MBOAT4: variants seen among roughly 807,000 people sequenced by gnomAD.
The protein encoded by MBOAT4 is membrane-bound ghrelin O-acyltransferase MBOAT4.
MBOAT4 carries 11 observed loss-of-function variants against 13.2 expected under a neutral mutation model. The ratio of observed to expected loss-of-function variants is 0.84; its 90% CI spans 0.53 to 1.38. The LOEUF (loss-of-function observed/expected upper bound fraction) is 1.38, where lower values mean the gene tolerates loss of function less well. MBOAT4 is among the 40% of genes most tolerant of loss of function. The probability of loss-of-function intolerance (pLI) is 0.00; values close to 1 mark genes in which losing one functional copy is unlikely to be tolerated. For synonymous variants in MBOAT4, 202 were observed against 210.3 expected, an observed-to-expected ratio of 0.96 and a Z score of 0.34; for missense variants, 481 against 527.2, an observed-to-expected ratio of 0.91 and a Z score of 0.86.
Position 30,132,139 on chromosome 8 carries a change from G to C in MBOAT4, c.1112C>G (p.Ser371Cys), listed in dbSNP as rs1227390834. 2 of 1,551,636 alleles carry C rather than the reference G, an allele frequency of 1.3e-6. No individual in the cohort carries two copies. Among genetic ancestry groups the C allele is most frequent in the African/African-American group, 2.7e-5 (2 of 73,018 alleles). The part of the protein sequence containing the change: ...IHSFANEFIR[S>C]WPMRLFYRTL... ...TCTATAGAACAGCCTCATCGGCCAG[G>C]ATCTGATAAACTCATTGGCAAAGGA... Residue 371 changes from serine (S) to cysteine (C), a missense_variant, in exon 3 of 3, where the codon TCC (serine) becomes TGC (cysteine). Coordinates refer to ENST00000320542, the MANE Select transcript of MBOAT4 (RefSeq NM_001100916.2).
At chr8:30,133,577 C>T (rs1467625085) in intron 2 of MBOAT4, among the ~76,000 whole-genome samples, 1 of 152,084 alleles carries the variant, frequency 6.6e-6, no homozygotes, top group Non-Finnish European at 1.5e-5. Context: ...TTTACTTTAA[C>T]AGCTGAAGGT....
At chr8:30,143,509 C>A (rs1398721408) in intron 1 of MBOAT4, among the ~76,000 whole-genome samples, 1 of 151,998 alleles carries the variant, frequency 6.6e-6, no homozygotes, top group African/African-American at 2.4e-5. Context: ...CAGTTAAGTT[C>A]TTGCCTTTTG....
intron 1 of MBOAT4, among the ~76,000 whole-genome samples, chr8:30,140,085 T>G (rs961673896): frequency 2.6e-5 from 4 of 152,200 alleles, no homozygotes; most frequent in Admixed American, 2.6e-4. Context: ...TTGCCCGGAT[T>G]GGAGTGCAGA....
chr8:30,134,413 C>T (rs1190380036), intron 2 of MBOAT4, among the ~76,000 whole-genome samples: 1 of 150,530 alleles, frequency 6.6e-6, no homozygotes, highest in East Asian at 1.9e-4. Context: ...TAGAGCGAGA[C>T]TGCATCTCAA....
intron 1 of MBOAT4, among the ~76,000 whole-genome samples, chr8:30,140,242 G>A (rs1803239653): frequency 6.6e-6 from 1 of 152,048 alleles, no homozygotes; most frequent in African/African-American, 2.4e-5. Flanking sequence ...TTGCCATGTT[G>A]GCCAGGCTGG....
rs1329430625 is a variant in MBOAT4, at chr8:30,131,766, A to C, written c.*177T>G. On this transcript the variant is annotated 3_prime_UTR_variant, in exon 3 of 3. Coordinates refer to ENST00000320542, the MANE Select transcript of MBOAT4 (RefSeq NM_001100916.2). ...TCCTTTTTGTATCCTCAGTACCAGCAGAATAGCTTGCTAAAGTAGATACAC... is the reference window on the plus strand; with the variant it reads ...TCCTTTTTGTATCCTCAGTACCAGCCGAATAGCTTGCTAAAGTAGATACAC... The C allele has an allele frequency of 1.5e-6, 1 of 673,734 alleles. No homozygotes were observed. The highest frequency in any genetic ancestry group is 3.0e-5 in the East Asian group (1 of 33,274). The allele number at this position is 673,734 out of a possible 1,614,324, so 41.7% of individuals were successfully genotyped here.
rs141536029 is a variant in MBOAT4 at position 30,144,428 on chromosome 8, A to G, written c.119+55T>C. On this transcript the variant is annotated intron_variant, in intron 1 of 2. Coordinates refer to ENST00000320542, the MANE Select transcript of MBOAT4 (RefSeq NM_001100916.2). ...AGGGATTACGGGCGTGAGCCACCGCACCCAGTCACTATAGTATTTCTGGAT... is the reference window on the plus strand; with the variant it reads ...AGGGATTACGGGCGTGAGCCACCGCGCCCAGTCACTATAGTATTTCTGGAT... 1.3e-5 allele frequency: 17 copies of G among 1,333,066 alleles called. No homozygotes were observed. The South Asian group carries it at 2.1e-4, about 16-fold the overall frequency. 82.6% of individuals were successfully genotyped at this position (1,333,066 alleles called of 1,614,324 possible).
chr8:30,132,993 G>A, intron 2 of MBOAT4, 87 bp from the exon 3 acceptor site: 1 of 1,325,136 alleles, frequency 7.5e-7, no homozygotes. Context: ...GATCTCGCAG[G>A]AAATAGATAG....
chr8:30,134,192 A>G (rs1803089544), intron 2 of MBOAT4, among the ~76,000 whole-genome samples: 1 of 152,200 alleles, frequency 6.6e-6, no homozygotes, highest in Non-Finnish European at 1.5e-5. Context: ...TGGGAGGCCG[A>G]GGCAGGTGGA....
At chr8:30,142,424 C>T (rs1877184) in intron 1 of MBOAT4, among the ~76,000 whole-genome samples, 20 of 152,064 alleles carry the variant, frequency 1.3e-4, no homozygotes, top group African/African-American at 4.4e-4. Flanking sequence ...GGCATAATCA[C>T]GACTTACTAC....
In MBOAT4 at chr8:30,132,777, A is replaced by G. The variant is rs1803054887; in HGVS notation, c.474T>C (p.His158=). The change falls in exon 3 of 3, where the codon CAT becomes CAC. Residue 158 remains histidine, a synonymous_variant. Coordinates refer to ENST00000320542, the MANE Select transcript of MBOAT4 (RefSeq NM_001100916.2). The part of the protein sequence containing the change: ...GFRSRSSLSE[H]VCKALPYFSY... ...TGAAATAGGGCAGTGCCTTACACAC[A>G]TGCTCAGACAAAGAGCTCCTGCTCC... is the stretch of plus-strand genomic sequence containing the variant. 1.3e-6 allele frequency: 2 copies of G among 1,551,624 alleles called. No individual in the cohort carries two copies. Among genetic ancestry groups the G allele is most frequent in the South Asian group, 2.4e-5 (2 of 84,058 alleles).
At chr8:30,138,299 A>C in intron 2 of MBOAT4, 1 of 420,134 alleles carries the variant, frequency 2.4e-6, no homozygotes. Flanking sequence ...AGGTGAACCC[A>C]CTGGGCGGTT....
rs1276037833 is a variant in MBOAT4 at position 30,132,632 on chromosome 8, A to G, written c.619T>C (p.Trp207Arg). ...AGTCCAAGAATCTGCAGACCCCTCC[A>G]GCTCAGAGCCCAGAAAGAGTGTCTG... is the stretch of plus-strand genomic sequence containing the variant. Reference protein sequence around the residue: ...HPRHSFWALSWRGLQILGLEC... With the variant: ...HPRHSFWALSRRGLQILGLEC... Residue 207 changes from tryptophan (W) to arginine (R), a missense_variant, in exon 3 of 3, where the codon TGG (tryptophan) becomes CGG (arginine). By Grantham distance (101) the Trp-to-Arg change is moderately radical (BLOSUM62 -3). Transcript: ENST00000320542. 5.2e-6 allele frequency: 8 copies of G among 1,551,692 alleles called. No homozygotes were observed. The African/African-American group carries it at 6.8e-5, about 13-fold the overall frequency.
At chr8:30,133,059 TTAAAA>T (rs1431154229) in intron 2 of MBOAT4, among the ~76,000 whole-genome samples, 153 bp from the exon 3 acceptor site, 4 of 152,182 alleles carry the variant, frequency 2.6e-5, no homozygotes, top group African/African-American at 4.8e-5. Flanking sequence ...AAAATAAATC[TTAAAA>T]TAAAATAAAT....
Position 30,131,964 on chromosome 8 carries a change from C to T in MBOAT4, c.1287G>A (p.Lys429=). The change falls in exon 3 of 3, where the codon AAG becomes AAA. Residue 429 remains lysine (K), a synonymous_variant. Coordinates refer to ENST00000320542, the MANE Select transcript of MBOAT4 (RefSeq NM_001100916.2). ...GATGTCAGTTACATTTGTGCTTTCTCTTCGCCAATAGCAAAAGCAGAATAC... is the reference window on the plus strand; with the variant it reads ...GATGTCAGTTACATTTGTGCTTTCTTTTCGCCAATAGCAAAAGCAGAATAC... ...VYCILLLLLA[K]RKHKCN is the part of the protein sequence containing the mutation. The T allele has an allele frequency of 6.5e-7, 1 of 1,549,236 alleles. No individual in the cohort carries two copies. The highest frequency in any genetic ancestry group is 8.7e-7 in the Non-Finnish European group (1 of 1,145,042).
rs1194313693 is a variant in MBOAT4, at chr8:30,138,630, G to T, written c.246C>A (p.Val82=). ...ALLCSLAPQQ[V]HRWTFCFQMS... ...TCTGAAAGCAGAAGGTCCACCTGTG[G>T]ACTTGCTGAGGAGCCAGGGAACAGA... is the stretch of plus-strand genomic sequence containing the variant. The change falls in exon 2 of 3, where the codon GTC becomes GTA. Residue 82 remains valine (V), a synonymous_variant. Transcript: ENST00000320542. 6.4e-7 allele frequency: 1 copy of T among 1,551,650 alleles called. No homozygotes were observed. The highest frequency in any genetic ancestry group is 8.7e-7 in the Non-Finnish European group (1 of 1,146,988).
chr8:30,141,639 A>T (rs1006166694), intron 1 of MBOAT4, among the ~76,000 whole-genome samples: 1 of 152,114 alleles, frequency 6.6e-6, no homozygotes, highest in Non-Finnish European at 1.5e-5. Context: ...CTCTGTTTCA[A>T]AAAGAAAAGA....
At chr8:30,135,280 A>C (rs1289027823) in intron 2 of MBOAT4, among the ~76,000 whole-genome samples, 3 of 152,206 alleles carry the variant, frequency 2.0e-5, no homozygotes, top group Non-Finnish European at 4.4e-5. Context: ...TAAACATTAG[A>C]GATGCAAATA....
chr8:30,134,704 C>T (rs957902033), intron 2 of MBOAT4, among the ~76,000 whole-genome samples: 1 of 151,868 alleles, frequency 6.6e-6, no homozygotes, highest in Non-Finnish European at 1.5e-5. Context: ...CACGCCACCA[C>T]GCCCAGCTAA....
Sources: allele counts gnomAD v4.1 joint callset (sites outside exome capture counted in the v4.1 genomes callset), GRCh38; gene constraint gnomAD v4.1.1; transcripts MANE v1.5; gene names NCBI Gene and HGNC (gene_info 2026-07-23, HGNC 2026-07-21).